The following NBEAL1 variants were observed in gnomAD, a reference collection of about 807,000 sequenced individuals.
The protein encoded by NBEAL1 is neurobeachin-like protein 1.
NBEAL1 carries 273 observed loss-of-function variants against 351.3 expected under a neutral mutation model. That is an observed-to-expected ratio of 0.78 (90% CI 0.70 to 0.86). The LOEUF is 0.86. Among genes scored for constraint, NBEAL1 ranks in the 40% least tolerant of loss-of-function variants. The pLI is 0.00. For synonymous variants in NBEAL1, 1,050 were observed against 1,086.4 expected (o/e 0.97, Z 0.66); for missense variants, 2,961 against 3,201.3 (o/e 0.92, Z 1.81).
At chr2:203,115,027 C>T (rs1259220988) in intron 17 of NBEAL1, among the ~76,000 whole-genome samples, 1 of 152,172 alleles carries the variant, frequency 6.6e-6, no homozygotes, top group African/African-American at 2.4e-5. Context: ...GCTTGGATTA[C>T]AGGCGTGAGC....
chr2:203,117,161 G>C (rs1681813506), intron 18 of NBEAL1, among the ~76,000 whole-genome samples: 1 of 151,136 alleles, frequency 6.6e-6, no homozygotes, highest in African/African-American at 2.4e-5. Context: ...ACTAGAAAAA[G>C]ATATACAAAA....
At chr2:203,204,889 C>T (rs1303427159) in intron 51 of NBEAL1, among the ~76,000 whole-genome samples, 1 of 152,060 alleles carries the variant, frequency 6.6e-6, no homozygotes, top group East Asian at 1.9e-4. Flanking sequence ...CTTATCAACT[C>T]TCATGGTTAT....
chr2:203,131,767 C>A (rs191376320), intron 25 of NBEAL1, among the ~76,000 whole-genome samples: 176 of 152,082 alleles, frequency 1.2e-3, no homozygotes, highest in African/African-American at 4.1e-3. Flanking sequence ...AAAGTATAGC[C>A]ATGTTTTATT....
intron 55 of NBEAL1, among the ~76,000 whole-genome samples, chr2:203,216,677 G>A (rs551340797): frequency 3.9e-4 from 60 of 152,164 alleles, no homozygotes; most frequent in African/African-American, 1.3e-3. Context: ...TAAAATAAAG[G>A]AATCTGGTAA....
chr2:203,083,733 G>T (rs1430840998), intron 9 of NBEAL1, among the ~76,000 whole-genome samples: 1 of 152,120 alleles, frequency 6.6e-6, no homozygotes, highest in Non-Finnish European at 1.5e-5. Flanking sequence ...ACAAAGTCAA[G>T]TCTCTATATT....
chr2:203,209,297 G>A lies in NBEAL1; in HGVS notation c.7760G>A (p.Ser2587Asn), dbSNP rs145550746. 4.8e-5 allele frequency: 77 copies of A among 1,613,804 alleles called. No homozygotes were observed. The East Asian group carries it at 1.4e-3, about 30-fold the overall frequency. ...SWEGHIVVYS[S>N]TEEKTTLKDK... ...GAAGGACATATTGTTGTCTACTCCA[G>A]CACTGAAGAAAAGACCACCCTCAAG... The change falls in exon 53 of 56, where the codon AGC (serine) becomes AAC (asparagine). Residue 2587 changes from serine (S) to asparagine (N), a missense_variant. By Grantham distance (46) the Ser-to-Asn change is conservative. Coordinates refer to ENST00000683969, the MANE Select transcript of NBEAL1 (RefSeq NM_001378026.1).
chr2:203,206,919 A>G (rs1575130284), intron 51 of NBEAL1, among the ~76,000 whole-genome samples: 1 of 145,566 alleles, frequency 6.9e-6, no homozygotes, highest in Admixed American at 6.9e-5. Context: ...CTGGCTGCCC[A>G]GTCTGGAAAG....
intron 7 of NBEAL1, 112 bp downstream of exon 7, chr2:203,068,587 G>A (rs963720466): frequency 2.5e-5 from 14 of 563,750 alleles, no homozygotes; most frequent in Middle Eastern, 7.5e-4. Flanking sequence ...TAAAATAATG[G>A]TTGTAAGAAC....
intron 38 of NBEAL1, 111 bp downstream of exon 38, chr2:203,167,471 G>A: frequency 8.9e-7 from 1 of 1,126,480 alleles, no homozygotes; most frequent in African/African-American, 1.6e-5. Context: ...CAAAATGTTA[G>A]AGGAAAAAAT....
chr2:203,029,428 A>G (rs989436923), intron 2 of NBEAL1, among the ~76,000 whole-genome samples: 4 of 152,256 alleles, frequency 2.6e-5, no homozygotes, highest in Non-Finnish European at 5.9e-5. Flanking sequence ...TTTCTACAGT[A>G]TATTGTTCAG....
intron 2 of NBEAL1, chr2:203,040,385 T>C: frequency 2.8e-6 from 2 of 714,078 alleles, no homozygotes; most frequent in Non-Finnish European, 5.1e-6. Flanking sequence ...GTTGTACACA[T>C]CAAAAGGATT....
chr2:203,072,410 G>GTT (rs894568990), intron 7 of NBEAL1, among the ~76,000 whole-genome samples: 1 of 139,392 alleles, frequency 7.2e-6, no homozygotes. Context: ...TTGTTTGTTT[G>GTT]TTTTTTTTTT....
intron 10 of NBEAL1, among the ~76,000 whole-genome samples, chr2:203,089,047 A>G (rs2062017489): frequency 6.6e-6 from 1 of 152,012 alleles, no homozygotes; most frequent in Non-Finnish European, 1.5e-5. Context: ...GAGAACAGAA[A>G]AGAAAGGGTG....
Position 203,077,808 on chromosome 2 carries a change from C to T in NBEAL1, c.655C>T (p.Leu219Phe). 6.8e-7 allele frequency: 1 copy of T among 1,469,020 alleles called. No individual in the cohort carries two copies. Among genetic ancestry groups the T allele is most frequent in the Non-Finnish European group, 9.0e-7 (1 of 1,105,350 alleles). The allele number at this position is 1,469,020 out of a possible 1,614,324, so 91.0% of individuals were successfully genotyped here. A position where few individuals can be genotyped will look rare whatever the true frequency, so the allele number is the denominator to read the frequency against. The change falls in exon 8 of 56, where the codon CTC becomes TTC. Residue 219 changes from leucine to phenylalanine, a missense_variant. By Grantham distance (22) the Leu-to-Phe change is conservative (BLOSUM62 0). Transcript: ENST00000683969. ...KESLKCCLLH[L>F]FGAIVAGGQR... ...AAGTCTTAAATGTTGCTTATTGCAT[C>T]TCTTTGGAGCCATTGTAGCCGGTGG...
chr2:203,045,796 T>C (rs2061216461), intron 3 of NBEAL1, among the ~76,000 whole-genome samples: 1 of 152,160 alleles, frequency 6.6e-6, no homozygotes, highest in African/African-American at 2.4e-5. Flanking sequence ...TAAAGTATAA[T>C]TGTCATTTAA....
intron 19 of NBEAL1, among the ~76,000 whole-genome samples, chr2:203,124,088 G>A (rs551490463): frequency 6.6e-6 from 1 of 152,194 alleles, no homozygotes. Context: ...TGTAATCCCA[G>A]TACTTTGGGA....
At chr2:203,157,606 C>T in intron 35 of NBEAL1, 93 bp from the exon 36 acceptor site, 1 of 872,884 alleles carries the variant, frequency 1.1e-6, no homozygotes, top group Non-Finnish European at 1.6e-6. Flanking sequence ...TTATATCTAA[C>T]AGTCAGGAAC....
chr2:203,174,858 CAAATAAATAAAT>C (rs34190645), intron 41 of NBEAL1, among the ~76,000 whole-genome samples: 99 of 143,376 alleles, frequency 6.9e-4, no homozygotes, highest in Middle Eastern at 7.0e-3. Context: ...GACTCTGTCT[CAAATAAATAAAT>C]AAATAAATAA....
At chr2:203,210,888 G>GGA (rs1431300852) in intron 53 of NBEAL1, 70 bp from the exon 54 acceptor site, 6 of 850,658 alleles carry the variant, frequency 7.1e-6, no homozygotes. Context: ...GTTATAGTCA[G>GGA]AGTTTTAACT....
Sources: gnomAD v4.1 joint callset for allele counts (sites outside exome capture counted in the v4.1 genomes callset) on GRCh38, gnomAD v4.1.1 for gene constraint, MANE v1.5 for transcripts, NCBI Gene and HGNC (gene_info 2026-07-23, HGNC 2026-07-21) for gene names.